Variants in GNB1L observed in about 807,000 individuals in gnomAD.
The protein encoded by GNB1L is guanine nucleotide-binding protein subunit beta-like protein 1.
In GNB1L, 20 loss-of-function variants were observed where a neutral mutation model predicts 29.1. That is an observed-to-expected ratio of 0.69 (90% CI 0.48 to 1.00). The LOEUF (loss-of-function observed/expected upper bound fraction) is 1.00. GNB1L is among the 50% of genes least tolerant of loss of function. The pLI, the probability that GNB1L is intolerant of heterozygous loss-of-function variation, is 0.00. For synonymous variants in GNB1L, 193 were observed against 206.5 expected (o/e 0.93, Z 0.56); for missense variants, 421 against 464.9 (o/e 0.91, Z 0.87).
intron 2 of GNB1L, chr22:19,846,056 G>A (rs189895371): frequency 5.3e-5 from 8 of 152,336 alleles, no homozygotes; most frequent in African/African-American, 1.7e-4. Context: ...TGCTGAGGTA[G>A]GCCCTATGGA....
intron 2 of GNB1L, chr22:19,850,517 A>C: frequency 9.4e-7 from 1 of 1,061,054 alleles, no homozygotes; most frequent in Non-Finnish European, 1.1e-6. Flanking sequence ...GAGCCTGGCA[A>C]GGGGCTTGCA....
chr22:19,840,796 C>T (rs1427203218), intron 2 of GNB1L, among the ~76,000 whole-genome samples: 1 of 150,086 alleles, frequency 6.7e-6, no homozygotes, highest in Non-Finnish European at 1.5e-5. Context: ...GGCGAAGAAG[C>T]GAAACTCCGT....
chr22:19,819,057 C>T (rs9606163), intron 4 of GNB1L, among the ~76,000 whole-genome samples: 5 of 152,212 alleles, frequency 3.3e-5, no homozygotes, highest in African/African-American at 4.8e-5. Flanking sequence ...ACCACGGGGG[C>T]GATGTCAGAA....
intron 2 of GNB1L, among the ~76,000 whole-genome samples, chr22:19,843,118 G>A (rs967976672): frequency 9.9e-5 from 15 of 152,170 alleles, no homozygotes; most frequent in Admixed American, 5.2e-4. Context: ...AGATAGCACC[G>A]GGCTGGTAAT....
chr22:19,846,755 G>A (rs755811664), intron 2 of GNB1L: 75 of 370,078 alleles, frequency 2.0e-4, no homozygotes, highest in East Asian at 3.3e-4. Flanking sequence ...ACAGGGACAC[G>A]GCAAGAAGAT....
At chr22:19,801,676 A>G (rs1411488290) in intron 7 of GNB1L, among the ~76,000 whole-genome samples, 1 of 127,368 alleles carries the variant, frequency 7.9e-6, no homozygotes, top group Non-Finnish European at 1.7e-5. Flanking sequence ...TTTTTTGATT[A>G]ATCAGTTCCT....
intron 4 of GNB1L, among the ~76,000 whole-genome samples, chr22:19,814,356 A>G (rs1445416772): frequency 1.3e-5 from 2 of 152,082 alleles, no homozygotes; most frequent in African/African-American, 2.4e-5. Flanking sequence ...GGCTTAAACG[A>G]TCCTCCCGTC....
chr22:19,820,368 T>G (rs1328066712), intron 4 of GNB1L, among the ~76,000 whole-genome samples: 1 of 152,158 alleles, frequency 6.6e-6, no homozygotes, highest in Non-Finnish European at 1.5e-5. Context: ...GGCTCCAGCT[T>G]GGAGCATGAA....
chr22:19,853,472 G>A (rs897307655), intron 2 of GNB1L, among the ~76,000 whole-genome samples: 3 of 152,082 alleles, frequency 2.0e-5, no homozygotes, highest in Non-Finnish European at 4.4e-5. Flanking sequence ...CTCTGCAAAC[G>A]GAGGCCCACT....
chr22:19,812,876 T>A (rs1315455099), intron 4 of GNB1L, among the ~76,000 whole-genome samples: 3 of 152,204 alleles, frequency 2.0e-5, no homozygotes, highest in South Asian at 4.1e-4. Context: ...GTAGTGCTCA[T>A]GACTAGATGC....
At position 19,794,567 on chromosome 22, in the gene GNB1L, G is replaced by C. The variant is rs544047534; in HGVS notation, c.733-5607C>G. 8.5e-5 allele frequency among the ~76,000 whole-genome samples: 13 copies of C among 152,246 alleles called. No individual in the cohort carries two copies. The South Asian group carries it at 2.7e-3, about 32-fold the overall frequency. On this transcript the variant is annotated intron_variant, in intron 7 of 7. Transcript: ENST00000329517. ...AAGAAGGTAGGAAAGGAGGAAAAGTGGTCAAAAATGGAAGTGACAAGTAGA... is the reference window on the plus strand; with the variant it reads ...AAGAAGGTAGGAAAGGAGGAAAAGTCGTCAAAAATGGAAGTGACAAGTAGA...
At chr22:19,825,297 C>A (rs2145885557) in intron 2 of GNB1L, among the ~76,000 whole-genome samples, 1 of 152,272 alleles carries the variant, frequency 6.6e-6, no homozygotes, top group African/African-American at 2.4e-5. Flanking sequence ...GTGGCCCTCT[C>A]CCAAAAAACA....
At chr22:19,851,546 G>C (rs775451854) in intron 2 of GNB1L, 2 of 1,613,426 alleles carry the variant, frequency 1.2e-6, no homozygotes, top group African/African-American at 1.3e-5. Context: ...AGCAGGGGTG[G>C]CCATGGCGGC....
chr22:19,851,451 G>A (rs751181807), intron 2 of GNB1L: 6 of 1,613,964 alleles, frequency 3.7e-6, no homozygotes, highest in Non-Finnish European at 5.1e-6. Flanking sequence ...GGCAGGACTG[G>A]GGGCTCCTTG....
In GNB1L at chr22:19,792,672, G is replaced by T. The variant is rs188976125; in HGVS notation, c.733-3712C>A. ...TGAGAAGAAAGCTGCTGGCAAACGG[G>T]ACGTCCCCACCAAGAGACCACCTGT... On this transcript the variant is annotated intron_variant, in intron 7 of 7. Transcript: ENST00000329517. 1.6e-4 allele frequency: 233 copies of T among 1,481,658 alleles called. No individual in the cohort carries two copies. The African/African-American group carries it at 2.8e-3, about 18-fold the overall frequency. 91.8% of individuals were successfully genotyped at this position (1,481,658 alleles called of 1,614,324 possible).
intron 5 of GNB1L, among the ~76,000 whole-genome samples, chr22:19,809,284 G>A (rs1937471555): frequency 6.6e-6 from 1 of 151,998 alleles, no homozygotes; most frequent in Admixed American, 6.6e-5. Flanking sequence ...ACCAGCGAGC[G>A]GAATGAGGTG....
intron 6 of GNB1L, among the ~76,000 whole-genome samples, chr22:19,804,269 G>A (rs972710788): frequency 2.6e-5 from 4 of 152,226 alleles, no homozygotes; most frequent in African/African-American, 9.6e-5. Context: ...CCCCCTCCCT[G>A]CCCGCAGATG....
In GNB1L at chr22:19,788,856, C is replaced by T; in HGVS notation, c.837G>A (p.Val279=). Residue 279 remains valine, a synonymous_variant, in exon 8 of 8, where the codon GTG becomes GTA. Coordinates refer to ENST00000329517, the MANE Select transcript of GNB1L (RefSeq NM_053004.3). ...GTGGCTGCATCGTCCGCCAGTGGAA[C>T]ACGCGGATGCGGTGGTCCCAGCCTG... ...ATAGWDHRIR[V]FHWRTMQPLA... is the part of the protein sequence containing the mutation. 2 of 1,612,870 alleles carry T rather than the reference C, an allele frequency of 1.2e-6. No homozygotes were observed. The highest frequency in any genetic ancestry group is 1.1e-5 in the South Asian group (1 of 91,062).
At chr22:19,846,531 G>T in intron 2 of GNB1L, 1 of 985,500 alleles carries the variant, frequency 1.0e-6, no homozygotes. Flanking sequence ...GCGCTGCCAG[G>T]AACAGCAAAG....
Sources: allele counts gnomAD v4.1 joint callset (sites outside exome capture counted in the v4.1 genomes callset), GRCh38; gene constraint gnomAD v4.1.1; transcripts MANE v1.5; gene names NCBI Gene and HGNC (gene_info 2026-07-23, HGNC 2026-07-21).